RALB: variants seen among roughly 807,000 people sequenced by gnomAD.
The protein encoded by RALB is RAS like proto-oncogene B.
A neutral mutation model predicts 21.3 loss-of-function variants in RALB; 16 were observed. That is an observed-to-expected ratio of 0.75 (90% CI 0.51 to 1.14). The LOEUF (loss-of-function observed/expected upper bound fraction) is 1.14, where lower values mean the gene tolerates loss of function less well. Ranked by LOEUF, RALB falls within the 50% of genes most tolerant of loss-of-function variation. RALB has a pLI of 0.00. For missense variants in RALB, 161 were observed against 256.2 expected (o/e 0.63, Z 2.54); for synonymous variants, 93 against 96.1 (o/e 0.97, Z 0.19).
At chr2:120,246,947 C>T (rs193218547) in intron 1 of RALB, among the ~76,000 whole-genome samples, 22 of 152,356 alleles carry the variant, frequency 1.4e-4, no homozygotes, top group African/African-American at 4.8e-4. Context: ...ATGAGGTTGG[C>T]TTCCTGGTAG....
intron 1 of RALB, among the ~76,000 whole-genome samples, chr2:120,271,498 G>A (rs1339310386): frequency 6.6e-6 from 1 of 152,180 alleles, no homozygotes; most frequent in Non-Finnish European, 1.5e-5. Context: ...GACCCGCCTA[G>A]CAATGACTCC....
At chr2:120,246,495 C>T (rs1210211332) in intron 1 of RALB, among the ~76,000 whole-genome samples, 1 of 152,242 alleles carries the variant, frequency 6.6e-6, no homozygotes, top group African/African-American at 2.4e-5. Flanking sequence ...AGCCGAACGT[C>T]TAACAGTGCC....
intron 1 of RALB, among the ~76,000 whole-genome samples, chr2:120,273,354 G>A (rs1689714597): frequency 6.6e-6 from 1 of 152,148 alleles, no homozygotes; most frequent in East Asian, 1.9e-4. Context: ...AGTCCATGTG[G>A]GGTCAGTCTG....
Position 120,285,308 on chromosome 2 carries a change from C to T in RALB, c.115-566C>T, listed in dbSNP as rs369367803. ...CATTGTCTCCCATAAGGTCACTTCC[C>T]CAACACATTGGGATGATAATTCGGA... is the stretch of plus-strand genomic sequence containing the variant. On this transcript the variant is annotated intron_variant, in intron 2 of 4. Coordinates refer to ENST00000272519, the MANE Select transcript of RALB (RefSeq NM_002881.3). 3.3e-5 allele frequency among the ~76,000 whole-genome samples: 5 copies of T among 152,152 alleles called. No individual in the cohort carries two copies. The East Asian group carries it at 7.7e-4, about 23-fold the overall frequency.
chr2:120,274,779 A>T (rs1689749674), intron 1 of RALB, among the ~76,000 whole-genome samples: 1 of 152,166 alleles, frequency 6.6e-6, no homozygotes, highest in Non-Finnish European at 1.5e-5. Flanking sequence ...CAACTCCATC[A>T]GGTCTTTCAA....
intron 1 of RALB, among the ~76,000 whole-genome samples, chr2:120,277,355 G>A (rs77642533): frequency 1.5e-4 from 10 of 67,010 alleles, no homozygotes; most frequent in South Asian, 4.3e-4. Flanking sequence ...GTGAACATGT[G>A]TGTGAGAGCA....
chr2:120,272,187 A>G (rs1438411894), intron 1 of RALB, among the ~76,000 whole-genome samples: 1 of 152,168 alleles, frequency 6.6e-6, no homozygotes, highest in East Asian at 1.9e-4. Context: ...GTGTCCTCAC[A>G]TGGTGGAAAG....
intron 2 of RALB, among the ~76,000 whole-genome samples, chr2:120,279,030 C>G (rs545338783): frequency 6.6e-6 from 1 of 152,192 alleles, no homozygotes; most frequent in Admixed American, 6.5e-5. Context: ...TGTTATACTT[C>G]GAGCTTTCTT....
chr2:120,272,292 C>G (rs982301991), intron 1 of RALB, among the ~76,000 whole-genome samples: 2 of 152,174 alleles, frequency 1.3e-5, no homozygotes, highest in East Asian at 3.8e-4. Context: ...TGGTCCCCGC[C>G]CCACAGATGT....
At chr2:120,246,461 T>C (rs1023176821) in intron 1 of RALB, among the ~76,000 whole-genome samples, 1 of 152,186 alleles carries the variant, frequency 6.6e-6, no homozygotes, top group African/African-American at 2.4e-5. Context: ...AAGTGAGAAT[T>C]GCTGTGAGGG....
At chr2:120,260,726 C>T (rs1197861457) in intron 1 of RALB, among the ~76,000 whole-genome samples, 1 of 152,266 alleles carries the variant, frequency 6.6e-6, no homozygotes, top group Non-Finnish European at 1.5e-5. Context: ...GGGCCCTATA[C>T]AGGCCTGCTG....
chr2:120,244,658 G>A (rs760126775), intron 1 of RALB, among the ~76,000 whole-genome samples: 18 of 151,958 alleles, frequency 1.2e-4, no homozygotes, highest in South Asian at 2.1e-4. Context: ...CTGTCCATCC[G>A]TCCATGGACA....
upstream of RALB, among the ~76,000 whole-genome samples, chr2:120,252,478 G>A (rs960669455): frequency 3.3e-5 from 5 of 152,242 alleles, no homozygotes; most frequent in Non-Finnish European, 7.3e-5. Context: ...CTTCGCTTTT[G>A]CTTTCCATTA....
upstream of RALB, among the ~76,000 whole-genome samples, chr2:120,249,855 C>T (rs777213583): frequency 2.2e-4 from 34 of 152,206 alleles, no homozygotes; most frequent in Non-Finnish European, 4.0e-4. Context: ...CCCTTCCAGC[C>T]CTGTGTGACT....
chr2:120,278,356 C>T (rs1282446297), intron 1 of RALB, among the ~76,000 whole-genome samples: 1 of 152,094 alleles, frequency 6.6e-6, no homozygotes, highest in African/African-American at 2.4e-5. Context: ...GACTGGGTGT[C>T]CTCTCCACCC....
chr2:120,271,437 T>C (rs576219882), intron 1 of RALB, among the ~76,000 whole-genome samples: 1 of 152,326 alleles, frequency 6.6e-6, no homozygotes, highest in East Asian at 1.9e-4. Flanking sequence ...AGTGTCTTGT[T>C]ATTCTGTATC....
At chr2:120,279,110 C>T (rs1689920253) in intron 2 of RALB, among the ~76,000 whole-genome samples, 1 of 152,164 alleles carries the variant, frequency 6.6e-6, no homozygotes, top group Admixed American at 6.5e-5. Context: ...AGCATTTAGC[C>T]TTGTGATTGT....
intron 1 of RALB, among the ~76,000 whole-genome samples, chr2:120,275,416 G>A (rs959733697): frequency 3.3e-5 from 5 of 152,198 alleles, no homozygotes; most frequent in African/African-American, 7.2e-5. Context: ...GCTCAGCTGT[G>A]CATTTAAGAG....
intron 1 of RALB, among the ~76,000 whole-genome samples, chr2:120,262,973 C>T (rs775451740): frequency 6.6e-6 from 1 of 152,156 alleles, no homozygotes; most frequent in Admixed American, 6.5e-5. Context: ...AGTGACTTGC[C>T]TAATCCTCTA....
Sources: allele counts gnomAD v4.1 joint callset (sites outside exome capture counted in the v4.1 genomes callset), GRCh38; gene constraint gnomAD v4.1.1; transcripts MANE v1.5; gene names NCBI Gene and HGNC (gene_info 2026-07-23, HGNC 2026-07-21).